MYRIP: variants seen among roughly 807,000 people sequenced by gnomAD.
MYRIP encodes rab effector MyRIP.
Under a neutral mutation model 98.0 loss-of-function variants are expected in MYRIP, and 49 were observed. The observed-to-expected ratio is 0.50, with a 90% CI of 0.40 to 0.63. The LOEUF (loss-of-function observed/expected upper bound fraction) is 0.63, where lower values mean the gene tolerates loss of function less well. Among genes scored for constraint, MYRIP ranks in the 30% least tolerant of loss-of-function variants. The probability of loss-of-function intolerance (pLI) is 0.00; values close to 1 mark genes in which losing one functional copy is unlikely to be tolerated. For missense variants in MYRIP, 1,004 were observed against 1,058.2 expected (o/e 0.95, Z 0.71); for synonymous variants, 404 against 409.5 (o/e 0.99, Z 0.16).
chr3:40,073,543 G>A (rs552591049), intron 3 of MYRIP, among the ~76,000 whole-genome samples: 45 of 152,318 alleles, frequency 3.0e-4, no homozygotes, highest in African/African-American at 9.9e-4. Context: ...TGATCAATAC[G>A]AATCCTACCT....
At chr3:40,247,234 C>T (rs1401046704) in intron 13 of MYRIP, among the ~76,000 whole-genome samples, 1 of 152,054 alleles carries the variant, frequency 6.6e-6, no homozygotes, top group Non-Finnish European at 1.5e-5. Context: ...CTCTAGAGTT[C>T]CAAATGTCCA....
At position 40,060,596 on chromosome 3, in the gene MYRIP, T is replaced by TGAGAGAGAGAGA. The variant is rs35495297; in HGVS notation, c.332+16336_332+16347dup. Among the ~76,000 whole-genome samples, 1,207 of 138,868 alleles carry TGAGAGAGAGAGA rather than the reference T, an allele frequency of 8.7e-3. 21 individuals are homozygous for TGAGAGAGAGAGA. Among genetic ancestry groups the TGAGAGAGAGAGA allele is most frequent in the Non-Finnish European group, 0.013 (836 of 64,330 alleles). The allele number at this position is 138,868 out of a possible 152,430, so 91.1% of individuals were successfully genotyped here. A position where few individuals can be genotyped will look rare whatever the true frequency, so the allele number is the denominator to read the frequency against. On this transcript the variant is annotated intron_variant, in intron 3 of 16. Transcript: ENST00000302541. ...TAGATTTTCTTTTTTTTTCTTTTTTTGAGAGAGAGAGAGAGAGAGAGATTC... is the reference window on the plus strand; with the variant it reads ...TAGATTTTCTTTTTTTTTCTTTTTTTGAGAGAGAGAGAGAGAGAGAGAGAGAGAGAGAGATTC...
At chr3:40,118,364 T>C (rs1485154560) in intron 3 of MYRIP, among the ~76,000 whole-genome samples, 1 of 152,220 alleles carries the variant, frequency 6.6e-6, no homozygotes. Context: ...ATTTTGCAGA[T>C]ATATTTGCCT....
At chr3:40,246,062 C>G (rs111944101) in intron 13 of MYRIP, among the ~76,000 whole-genome samples, 8 of 149,296 alleles carry the variant, frequency 5.4e-5, no homozygotes, top group South Asian at 2.2e-4. Flanking sequence ...GCAATAGATC[C>G]TGCATCTTAA....
intron 3 of MYRIP, among the ~76,000 whole-genome samples, chr3:40,084,393 A>C (rs1948561706): frequency 2.7e-5 from 4 of 147,238 alleles, no homozygotes; most frequent in Non-Finnish European, 6.0e-5. Context: ...ATATCGATAG[A>C]TAATACACAT....
rs183596220 is a variant in MYRIP at position 39,974,981 on chromosome 3, G to A, written c.111-69069G>A. 4.6e-3 allele frequency among the ~76,000 whole-genome samples: 694 copies of A among 152,228 alleles called. 9 individuals are homozygous for A. The highest frequency in any genetic ancestry group is 6.5e-3 in the Admixed American group (100 of 15,286). ...CTAGAAGCATTCCCTTAGAAAACTGGCACAAGACAGGGATGCCCTCTCCCA... is the reference window on the plus strand; with the variant it reads ...CTAGAAGCATTCCCTTAGAAAACTGACACAAGACAGGGATGCCCTCTCCCA... On this transcript the variant is annotated intron_variant, in intron 2 of 16. Coordinates refer to ENST00000302541, the MANE Select transcript of MYRIP (RefSeq NM_015460.4).
chr3:39,964,815 C>A (rs1044080272), intron 2 of MYRIP, among the ~76,000 whole-genome samples: 48 of 152,096 alleles, frequency 3.2e-4, no homozygotes, highest in Non-Finnish European at 5.0e-4. Flanking sequence ...TTTGAAGATG[C>A]TTAAAACTTT....
chr3:39,909,955 A>G (rs1256718135), intron 2 of MYRIP, among the ~76,000 whole-genome samples: 1 of 149,162 alleles, frequency 6.7e-6, no homozygotes. Flanking sequence ...GCAGTGGTAG[A>G]TCTCAGCTCA....
intron 3 of MYRIP, among the ~76,000 whole-genome samples, chr3:40,094,941 C>G (rs892781965): frequency 2.0e-5 from 3 of 152,160 alleles, no homozygotes; most frequent in African/African-American, 7.2e-5. Flanking sequence ...CCTCAGAAAC[C>G]ACCTCCCTCC....
At chr3:39,937,568 T>G (rs1469713534) in intron 2 of MYRIP, among the ~76,000 whole-genome samples, 1 of 152,222 alleles carries the variant, frequency 6.6e-6, no homozygotes, top group Non-Finnish European at 1.5e-5. Flanking sequence ...TAACATACAA[T>G]GTGGCCTTTG....
chr3:39,912,093 TC>T (rs1488387047), intron 2 of MYRIP, among the ~76,000 whole-genome samples: 1 of 152,174 alleles, frequency 6.6e-6, no homozygotes, highest in Non-Finnish European at 1.5e-5. Context: ...CCTGGCCTGG[TC>T]CCAGCCCTCT....
At chr3:39,997,869 C>T (rs1946407726) in intron 2 of MYRIP, among the ~76,000 whole-genome samples, 1 of 152,086 alleles carries the variant, frequency 6.6e-6, no homozygotes, top group African/African-American at 2.4e-5. Context: ...GCGATGCAAG[C>T]CTGGTTCAAC....
At chr3:40,086,007 G>T (rs1415598905) in intron 3 of MYRIP, among the ~76,000 whole-genome samples, 1 of 151,906 alleles carries the variant, frequency 6.6e-6, no homozygotes, top group East Asian at 1.9e-4. Flanking sequence ...AATACCAAGA[G>T]CAACCACTAC....
intron 2 of MYRIP, among the ~76,000 whole-genome samples, chr3:40,034,152 A>G (rs1947324974): frequency 6.6e-6 from 1 of 151,878 alleles, no homozygotes; most frequent in South Asian, 2.1e-4. Context: ...TATTCAGGAC[A>G]TAGGCATGGG....
intron 12 of MYRIP, among the ~76,000 whole-genome samples, chr3:40,243,024 T>A (rs568110420): frequency 3.3e-5 from 5 of 152,320 alleles, no homozygotes; most frequent in Admixed American, 2.0e-4. Context: ...ATTGTGAAGA[T>A]CTCTTAGAAA....
chr3:39,843,242 T>A (rs1369865720), intron 1 of MYRIP, among the ~76,000 whole-genome samples: 1 of 152,198 alleles, frequency 6.6e-6, no homozygotes, highest in African/African-American at 2.4e-5. Flanking sequence ...TAGTCACAGT[T>A]TGAAAGACTG....
chr3:40,160,529 G>C (rs977593539), intron 4 of MYRIP, among the ~76,000 whole-genome samples: 2 of 152,180 alleles, frequency 1.3e-5, no homozygotes, highest in African/African-American at 2.4e-5. Context: ...CACCCAGTTC[G>C]AGTTTCCTGG....
Position 40,166,988 on chromosome 3 carries a change from G to T in MYRIP, c.648+45G>T, listed in dbSNP as rs144046519. On this transcript the variant is annotated intron_variant, in intron 6 of 16. Coordinates refer to ENST00000302541, the MANE Select transcript of MYRIP (RefSeq NM_015460.4). ...TCTCTGTGGGGGGAGGTGTGGGTTG[G>T]GGTCCTTGCTGCCAGGAGAAAGTGC... The T allele has an allele frequency of 3.0e-5, 46 of 1,509,214 alleles. No individual in the cohort carries two copies. The Admixed American group carries it at 7.7e-4, about 25-fold the overall frequency. The allele number at this position is 1,509,214 out of a possible 1,614,324, so 93.5% of individuals were successfully genotyped here. A position where few individuals can be genotyped will look rare whatever the true frequency, so the allele number is the denominator to read the frequency against.
intron 3 of MYRIP, among the ~76,000 whole-genome samples, chr3:40,147,109 G>A (rs1223637543): frequency 6.6e-6 from 1 of 152,072 alleles, no homozygotes; most frequent in Non-Finnish European, 1.5e-5. Flanking sequence ...TGTTTATCTT[G>A]CCACTTATTG....
Sources: allele counts gnomAD v4.1 joint callset (sites outside exome capture counted in the v4.1 genomes callset), GRCh38; gene constraint gnomAD v4.1.1; transcripts MANE v1.5; gene names NCBI Gene and HGNC (gene_info 2026-07-23, HGNC 2026-07-21).